Variants in RBFOX1 observed in about 807,000 individuals in gnomAD.
RBFOX1 encodes RNA binding protein fox-1 homolog 1.
In RBFOX1, 8 loss-of-function variants were observed where a neutral mutation model predicts 57.7. The observed-to-expected ratio is 0.14, with a 90% CI of 0.08 to 0.25. RBFOX1 has a LOEUF of 0.25. RBFOX1 is among the 10% of genes least tolerant of loss of function. The pLI is 1.00. For synonymous variants in RBFOX1, 326 were observed against 222.4 expected (o/e 1.47, Z -4.15); for missense variants, 611 against 548.5 (o/e 1.11, Z -1.14).
intron 4 of RBFOX1, among the ~76,000 whole-genome samples, chr16:5,873,884 C>G (rs558468141): frequency 2.6e-5 from 4 of 151,880 alleles, no homozygotes; most frequent in African/African-American, 7.3e-5. Context: ...GTTAGGTTGT[C>G]ATCAGGTAAA....
At chr16:6,164,979 A>C (rs912391990) in intron 1 of RBFOX1, among the ~76,000 whole-genome samples, 1 of 152,168 alleles carries the variant, frequency 6.6e-6, no homozygotes, top group Non-Finnish European at 1.5e-5. Context: ...ATGAAATGGC[A>C]TATTATTGTT....
At chr16:7,067,864 C>G (rs1004423076) in intron 4 of RBFOX1, among the ~76,000 whole-genome samples, 2 of 151,652 alleles carry the variant, frequency 1.3e-5, no homozygotes, top group African/African-American at 2.4e-5. Flanking sequence ...AGGACATGAA[C>G]TCATCATTTT....
intron 4 of RBFOX1, among the ~76,000 whole-genome samples, chr16:7,342,295 G>A (rs2096912882): frequency 6.6e-6 from 1 of 152,086 alleles, no homozygotes; most frequent in African/African-American, 2.4e-5. Flanking sequence ...CAGCAAGACA[G>A]GATGCCTAGG....
chr16:6,862,077 G>A (rs993492003), intron 3 of RBFOX1, among the ~76,000 whole-genome samples: 4 of 152,098 alleles, frequency 2.6e-5, no homozygotes. Context: ...TGATTTCGAT[G>A]AGAAGATGTC....
chr16:6,595,836 T>C (rs2097771727), intron 2 of RBFOX1, among the ~76,000 whole-genome samples: 1 of 152,180 alleles, frequency 6.6e-6, no homozygotes, highest in Non-Finnish European at 1.5e-5. Context: ...AATGTGCTTG[T>C]TGGGCATTTG....
chr16:6,166,513 T>C (rs1054231904), intron 1 of RBFOX1, among the ~76,000 whole-genome samples: 5 of 152,176 alleles, frequency 3.3e-5, no homozygotes, highest in Non-Finnish European at 7.4e-5. Flanking sequence ...CTGTTTTCTT[T>C]TTCCATGTTG....
At chr16:5,756,305 G>C (rs2053395421) in intron 3 of RBFOX1, among the ~76,000 whole-genome samples, 2 of 151,192 alleles carry the variant, frequency 1.3e-5, no homozygotes, top group Admixed American at 6.6e-5. Context: ...GTTGTAGTGT[G>C]GTGTGATAAT....
At chr16:6,587,906 C>T (rs2097652979) in intron 2 of RBFOX1, among the ~76,000 whole-genome samples, 1 of 152,154 alleles carries the variant, frequency 6.6e-6, no homozygotes, top group Non-Finnish European at 1.5e-5. Flanking sequence ...CAACTCATGC[C>T]TAAAGGCTTC....
At chr16:5,998,394 CA>C (rs2060526603) in intron 4 of RBFOX1, among the ~76,000 whole-genome samples, 1 of 152,130 alleles carries the variant, frequency 6.6e-6, no homozygotes, top group Non-Finnish European at 1.5e-5. Flanking sequence ...GAGGAATTAT[CA>C]AAAAATAATC....
intron 3 of RBFOX1, among the ~76,000 whole-genome samples, chr16:5,633,002 G>C (rs76790293): frequency 0.013 from 1,784 of 135,730 alleles, 30 homozygotes; most frequent in Non-Finnish European, 0.017. Context: ...GCAGTGTTAT[G>C]ATCTCAGCTC....
At chr16:6,685,867 C>A (rs983207392) in intron 3 of RBFOX1, among the ~76,000 whole-genome samples, 1 of 152,058 alleles carries the variant, frequency 6.6e-6, no homozygotes, top group Admixed American at 6.5e-5. Context: ...TGTCTTAAAG[C>A]CACCATTATT....
At chr16:6,644,490 G>T (rs781646644) in intron 2 of RBFOX1, among the ~76,000 whole-genome samples, 11 of 152,320 alleles carry the variant, frequency 7.2e-5, no homozygotes, top group Non-Finnish European at 1.3e-4. Flanking sequence ...GGGCTTGTCA[G>T]ATGAACCTTT....
At chr16:7,033,083 C>G (rs2043227264) in intron 3 of RBFOX1, among the ~76,000 whole-genome samples, 1 of 152,176 alleles carries the variant, frequency 6.6e-6, no homozygotes. Context: ...GGAATGCCAA[C>G]TCTCTCCTCT....
chr16:5,689,942 C>T (rs17138389), intron 3 of RBFOX1, among the ~76,000 whole-genome samples: 3,517 of 152,196 alleles, frequency 0.023, 140 homozygotes, highest in African/African-American at 0.079. Flanking sequence ...GACCTGGAGA[C>T]GTAGAGCATG....
At chr16:7,127,968 G>C (rs901534406) in intron 4 of RBFOX1, among the ~76,000 whole-genome samples, 2 of 152,200 alleles carry the variant, frequency 1.3e-5, no homozygotes, top group Admixed American at 1.3e-4. Context: ...TCCGAAAGAG[G>C]CTGGGTTCAG....
chr16:6,516,346 T>A (rs147624536), intron 2 of RBFOX1, among the ~76,000 whole-genome samples: 4 of 152,342 alleles, frequency 2.6e-5, no homozygotes, highest in African/African-American at 7.2e-5. Context: ...AATCCTCAGT[T>A]TCTTCATCTG....
chr16:7,630,781 C>T (rs928515337), intron 11 of RBFOX1, 98 bp downstream of exon 11: 174 of 1,540,926 alleles, frequency 1.1e-4, no homozygotes, highest in Middle Eastern at 3.4e-4. Flanking sequence ...CTCTGCCCCA[C>T]CCTCTCTTGT....
At chr16:7,249,408 C>A (rs562129414) in intron 4 of RBFOX1, among the ~76,000 whole-genome samples, 1 of 152,248 alleles carries the variant, frequency 6.6e-6, no homozygotes, top group Non-Finnish European at 1.5e-5. Context: ...CACTAGACTT[C>A]CAAGGGCCAT....
intron 1 of RBFOX1, among the ~76,000 whole-genome samples, chr16:5,350,953 C>A (rs551936984): frequency 8.5e-5 from 13 of 152,308 alleles, no homozygotes; most frequent in African/African-American, 2.9e-4. Flanking sequence ...GCCCAGCCAA[C>A]TGCCTAATTG....
Sources: allele counts gnomAD v4.1 joint callset (sites outside exome capture counted in the v4.1 genomes callset), GRCh38; gene constraint gnomAD v4.1.1; transcripts MANE v1.5; gene names NCBI Gene and HGNC (gene_info 2026-07-23, HGNC 2026-07-21).